Variants in PPP1R21 observed in about 807,000 individuals in gnomAD.
PPP1R21 encodes the protein KLRAQ motif containing 1.
In PPP1R21, 85 loss-of-function variants were observed where a neutral mutation model predicts 112.8. The ratio of observed to expected loss-of-function variants is 0.75; its 90% CI spans 0.63 to 0.90. PPP1R21 has a LOEUF of 0.90. Ranked by LOEUF, PPP1R21 falls within the 40% of genes least tolerant of loss-of-function variation. PPP1R21 has a pLI of 0.00. For missense variants in PPP1R21, 1,199 were observed against 901.5 expected (o/e 1.33, Z -4.23); for synonymous variants, 381 against 322.3 (o/e 1.18, Z -1.95).
rs10530147 is a variant in PPP1R21 at position 48,515,216 on chromosome 2, TTCTCTC to T, written c.*498_*503del. 32 of 136,888 alleles carry T rather than the reference TTCTCTC, an allele frequency of 2.3e-4. No individual in the cohort carries two copies. Among genetic ancestry groups the T allele is most frequent in the East Asian group, 8.6e-4 (4 of 4,638 alleles). The allele number at this position is 136,888 out of a possible 1,614,324, so 8.5% of individuals were successfully genotyped here. A position where few individuals can be genotyped will look rare whatever the true frequency, so the allele number is the denominator to read the frequency against. ...TTCTTTTTAAAAGATTTGTTCATAT[TTCTCTC>T]TCTCTCTCTCTCTCTCTCTCTCTCT... On this transcript the variant is annotated 3_prime_UTR_variant, in exon 22 of 22. Coordinates refer to ENST00000294952, the MANE Select transcript of PPP1R21 (RefSeq NM_001135629.3).
chr2:48,478,408 A>G (rs528264219), intron 12 of PPP1R21, among the ~76,000 whole-genome samples: 71 of 152,284 alleles, frequency 4.7e-4, no homozygotes, highest in Admixed American at 8.5e-4. Flanking sequence ...GTTTTGTGCC[A>G]TGATGTTGCT....
At chr2:48,484,098 A>G (rs1167358539) in intron 13 of PPP1R21, among the ~76,000 whole-genome samples, 3 of 152,220 alleles carry the variant, frequency 2.0e-5, no homozygotes, top group African/African-American at 7.2e-5. Context: ...CCACCCACAC[A>G]TTCCTTTCAG....
intron 13 of PPP1R21, 135 bp from the exon 14 acceptor site, chr2:48,486,496 C>T: frequency 1.5e-6 from 1 of 650,466 alleles, no homozygotes; most frequent in East Asian, 2.8e-5. Flanking sequence ...CAGTGCAATC[C>T]TGACACTTGA....
chr2:48,448,492 C>G (rs1196193796), intron 1 of PPP1R21, among the ~76,000 whole-genome samples: 1 of 151,658 alleles, frequency 6.6e-6, no homozygotes, highest in Non-Finnish European at 1.5e-5. Flanking sequence ...AAGCTTCATT[C>G]TTAGTCCTTG....
intron 1 of PPP1R21, among the ~76,000 whole-genome samples, chr2:48,441,973 G>C (rs1412155145): frequency 6.6e-6 from 1 of 152,130 alleles, no homozygotes; most frequent in Non-Finnish European, 1.5e-5. Context: ...AATATTCTTT[G>C]AAAAATAAAA....
At position 48,495,876 on chromosome 2, in the gene PPP1R21, A is replaced by T. The variant is rs1307448732; in HGVS notation, c.1692+105A>T. ...GAATGATTCAAAAGTCTGCATAAATAAACATGTGAAATGAATTGTTTAATA... is the reference window on the plus strand; with the variant it reads ...GAATGATTCAAAAGTCTGCATAAATTAACATGTGAAATGAATTGTTTAATA... On this transcript the variant is annotated intron_variant, in intron 16 of 21. Coordinates refer to ENST00000294952, the MANE Select transcript of PPP1R21 (RefSeq NM_001135629.3). 15 of 682,490 alleles carry T rather than the reference A, an allele frequency of 2.2e-5. No individual in the cohort carries two copies. The Admixed American group carries it at 2.5e-4, about 11-fold the overall frequency. 42.3% of individuals were successfully genotyped at this position (682,490 alleles called of 1,614,324 possible).
At chr2:48,472,328 A>C (rs1243290474) in intron 11 of PPP1R21, among the ~76,000 whole-genome samples, 1 of 151,562 alleles carries the variant, frequency 6.6e-6, no homozygotes, top group Non-Finnish European at 1.5e-5. Flanking sequence ...AATAAAATTT[A>C]GAAAATAAGT....
Position 48,498,747 on chromosome 2 carries a change from C to T in PPP1R21, c.1935+12C>T, listed in dbSNP as rs978637693. 7 of 1,610,216 alleles carry T rather than the reference C, an allele frequency of 4.3e-6. No individual in the cohort carries two copies. The highest frequency in any genetic ancestry group is 5.9e-6 in the Non-Finnish European group (7 of 1,177,528). ...AGAGCACCAGTCTAGTAAGTGTCTTCTTGGTTGTCCTCAGTTTTCTTTTTT... is the reference window on the plus strand; with the variant it reads ...AGAGCACCAGTCTAGTAAGTGTCTTTTTGGTTGTCCTCAGTTTTCTTTTTT... On this transcript the variant is annotated intron_variant, in intron 17 of 21. Coordinates refer to ENST00000294952, the MANE Select transcript of PPP1R21 (RefSeq NM_001135629.3).
At chr2:48,498,971 A>G (rs1397314212) in intron 17 of PPP1R21, among the ~76,000 whole-genome samples, 2 of 152,114 alleles carry the variant, frequency 1.3e-5, no homozygotes, top group East Asian at 3.8e-4. Context: ...TGGTTCATAG[A>G]CAGCAGCATT....
Position 48,461,229 on chromosome 2 carries a change from AC to A in PPP1R21, c.692del (p.Thr231LysfsTer9). On this transcript the variant is annotated frameshift_variant and splice_region_variant, in exon 7 of 22. Transcript: ENST00000294952. LOFTEE classifies it high-confidence loss of function. ...CAATGAAAAAGTACCTTTTAATGAT[AC>A]AAGTAGGTATTATGTACAGTTTTCC... is the stretch of plus-strand genomic sequence containing the variant. ...IINEKVPFND[T>X]KYSQYNALNV... The A allele has an allele frequency of 6.4e-7, 1 of 1,572,522 alleles. No individual in the cohort carries two copies. The highest frequency in any genetic ancestry group is 8.6e-7 in the Non-Finnish European group (1 of 1,166,634).
At chr2:48,497,586 T>A (rs1433451656) in intron 16 of PPP1R21, among the ~76,000 whole-genome samples, 1 of 152,218 alleles carries the variant, frequency 6.6e-6, no homozygotes, top group East Asian at 1.9e-4. Context: ...TAATTGTGGT[T>A]GTTGATATTA....
At chr2:48,449,271 C>G (rs1380221131) in intron 1 of PPP1R21, among the ~76,000 whole-genome samples, 1 of 152,092 alleles carries the variant, frequency 6.6e-6, no homozygotes, top group East Asian at 1.9e-4. Flanking sequence ...TTAGAAAGTG[C>G]TTTGACATAG....
chr2:48,494,478 G>C (rs1669723989), intron 15 of PPP1R21, among the ~76,000 whole-genome samples: 1 of 151,662 alleles, frequency 6.6e-6, no homozygotes, highest in Non-Finnish European at 1.5e-5. Context: ...CCAGGCTGGA[G>C]TGCAATGGCG....
At chr2:48,496,628 C>T (rs531932574) in intron 16 of PPP1R21, among the ~76,000 whole-genome samples, 7 of 152,238 alleles carry the variant, frequency 4.6e-5, no homozygotes, top group South Asian at 2.1e-4. Flanking sequence ...CCACCATGCC[C>T]GGCTAGTTTT....
chr2:48,440,866 A>G lies in PPP1R21; in HGVS notation c.-88A>G. The G allele has an allele frequency of 1.3e-6, 1 of 793,460 alleles. No homozygotes were observed. The highest frequency in any genetic ancestry group is 1.9e-6 in the Non-Finnish European group (1 of 523,318). 49.2% of individuals were successfully genotyped at this position (793,460 alleles called of 1,614,324 possible). On this transcript the variant is annotated 5_prime_UTR_variant, in exon 1 of 22. Transcript: ENST00000294952. ...TGGCCAAGCAGGCAGATACTGCCTG[A>G]CCCGTTCCCGGGAGCGTGTCTGGGT...
intron 14 of PPP1R21, among the ~76,000 whole-genome samples, chr2:48,490,591 A>G (rs7569575): frequency 0.72 from 109,796 of 152,096 alleles, 40,432 homozygotes; most frequent in Middle Eastern, 0.89. Flanking sequence ...AATGGAAGTT[A>G]CATATTCAAG....
intron 13 of PPP1R21, among the ~76,000 whole-genome samples, chr2:48,485,984 A>G (rs1221054280): frequency 6.8e-6 from 1 of 148,124 alleles, no homozygotes; most frequent in African/African-American, 2.5e-5. Context: ...TTATATTAAT[A>G]TATACAATTA....
At chr2:48,447,479 A>G (rs1451559540) in intron 1 of PPP1R21, among the ~76,000 whole-genome samples, 1 of 152,218 alleles carries the variant, frequency 6.6e-6, no homozygotes, top group Non-Finnish European at 1.5e-5. Context: ...TTCTGTACTA[A>G]TAGAGACTTC....
At position 48,451,008 on chromosome 2, in the gene PPP1R21, C is replaced by G; in HGVS notation, c.58C>G (p.Leu20Val). The change falls in exon 2 of 22, where the codon CTT (leucine) becomes GTT (valine). Residue 20 changes from leucine to valine, a missense_variant and splice_region_variant. Transcript: ENST00000294952. ...TGATTATTGCTTTCTCTGTTTTCAG[C>G]TTCGGGCTCAGAATCAGGTTCTGAA... ...YQKLAQEYSKLRAQNQVLKKG... is the reference protein window; with the variant it reads ...YQKLAQEYSKVRAQNQVLKKG... 6.2e-7 allele frequency: 1 copy of G among 1,613,044 alleles called. No individual in the cohort carries two copies. Among genetic ancestry groups the G allele is most frequent in the South Asian group, 1.1e-5 (1 of 91,040 alleles).
Sources: allele counts gnomAD v4.1 joint callset (sites outside exome capture counted in the v4.1 genomes callset), GRCh38; gene constraint gnomAD v4.1.1; transcripts MANE v1.5; gene names NCBI Gene and HGNC (gene_info 2026-07-23, HGNC 2026-07-21).